Variants in PTH2R observed in about 807,000 individuals in gnomAD.
The protein encoded by PTH2R is parathyroid hormone 2 receptor.
PTH2R carries 59 observed loss-of-function variants against 60.3 expected under a neutral mutation model. That is an observed-to-expected ratio of 0.98 (90% CI 0.79 to 1.22). The LOEUF (loss-of-function observed/expected upper bound fraction) is 1.22. Among genes scored for constraint, PTH2R ranks in the 50% most tolerant of loss-of-function variants. PTH2R has a pLI of 0.00. For missense variants in PTH2R, 749 were observed against 682.6 expected (o/e 1.10, Z -1.08); for synonymous variants, 256 against 243.8 (o/e 1.05, Z -0.47).
chr2:208,383,033 C>G (rs1700944273), intron 1 of PTH2R, among the ~76,000 whole-genome samples: 1 of 152,216 alleles, frequency 6.6e-6, no homozygotes, highest in South Asian at 2.1e-4. Context: ...AATCAGTTCA[C>G]TTTTTCTGTC....
rs1163481307 is a variant in PTH2R at position 208,459,778 on chromosome 2, A to G, written c.915-117A>G. ...GTTTTAAGATAAGATTTCTTTGTCT[A>G]TTTGTTTCTTAATTGGAAGTGTGGG... On this transcript the variant is annotated intron_variant, in intron 8 of 12. Transcript: ENST00000272847. 8 of 804,382 alleles carry G rather than the reference A, an allele frequency of 9.9e-6. No individual in the cohort carries two copies. In the East Asian group the frequency reaches 1.8e-4, roughly 18 times the overall value. 49.8% of individuals were successfully genotyped at this position (804,382 alleles called of 1,614,324 possible).
At chr2:208,481,859 A>T (rs1703160361) in intron 10 of PTH2R, among the ~76,000 whole-genome samples, 1 of 152,232 alleles carries the variant, frequency 6.6e-6, no homozygotes, top group East Asian at 1.9e-4. Flanking sequence ...TCTCTCACTA[A>T]ATATGCAAAT....
intron 9 of PTH2R, among the ~76,000 whole-genome samples, chr2:208,471,888 A>C (rs1016881763): frequency 6.6e-6 from 1 of 152,274 alleles, no homozygotes; most frequent in Non-Finnish European, 1.5e-5. Flanking sequence ...AGAGCTGCCC[A>C]AGGCCATTGG....
intron 9 of PTH2R, among the ~76,000 whole-genome samples, chr2:208,479,331 A>G (rs1173987629): frequency 6.6e-6 from 1 of 152,128 alleles, no homozygotes; most frequent in African/African-American, 2.4e-5. Flanking sequence ...ATCAGAAGCC[A>G]TCTATACTTC....
chr2:208,445,430 A>C (rs1702270186), intron 7 of PTH2R, among the ~76,000 whole-genome samples: 2 of 152,222 alleles, frequency 1.3e-5, no homozygotes, highest in South Asian at 2.1e-4. Context: ...TAATTAAAAA[A>C]GTATTCAGTT....
chr2:208,443,253 G>C, intron 5 of PTH2R, 95 bp from the exon 6 acceptor site: 1 of 1,064,834 alleles, frequency 9.4e-7, no homozygotes, highest in Non-Finnish European at 1.3e-6. Flanking sequence ...CTGCTGGAGG[G>C]GAGCAGGCTG....
intron 2 of PTH2R, among the ~76,000 whole-genome samples, chr2:208,432,857 C>T (rs968018504): frequency 3.9e-5 from 6 of 152,126 alleles, no homozygotes; most frequent in Admixed American, 3.9e-4. Flanking sequence ...CACCTTCTTC[C>T]CCCTGCTTTG....
intron 9 of PTH2R, among the ~76,000 whole-genome samples, chr2:208,465,251 C>T (rs1205174439): frequency 6.6e-6 from 1 of 151,988 alleles, no homozygotes; most frequent in Admixed American, 6.5e-5. Flanking sequence ...GCTGGTATTA[C>T]AGGTGGGAGC....
chr2:208,374,688 TAG>T (rs764775894), intron 1 of PTH2R, among the ~76,000 whole-genome samples: 1 of 151,952 alleles, frequency 6.6e-6, no homozygotes, highest in African/African-American at 2.4e-5. Context: ...TTTTTTTTAG[TAG>T]AGATGGGGTT....
At chr2:208,452,620 G>A (rs1428530598) in intron 8 of PTH2R, among the ~76,000 whole-genome samples, 2 of 152,056 alleles carry the variant, frequency 1.3e-5, no homozygotes, top group East Asian at 3.9e-4. Context: ...TAGGATGTTT[G>A]GTCTTCGTTC....
At chr2:208,383,800 C>T (rs563402213) in intron 1 of PTH2R, among the ~76,000 whole-genome samples, 5 of 152,298 alleles carry the variant, frequency 3.3e-5, no homozygotes, top group South Asian at 4.1e-4. Flanking sequence ...TGCTGAGACT[C>T]GGGTATCATC....
chr2:208,373,482 G>T (rs1219927812), intron 1 of PTH2R, among the ~76,000 whole-genome samples: 1 of 152,096 alleles, frequency 6.6e-6, no homozygotes. Flanking sequence ...ATGTGTGCCA[G>T]GGTGGAGGAA....
intron 1 of PTH2R, among the ~76,000 whole-genome samples, chr2:208,426,666 T>C (rs1701863742): frequency 6.6e-6 from 1 of 152,202 alleles, no homozygotes; most frequent in African/African-American, 2.4e-5. Context: ...CTTGTGGTTT[T>C]GTAAATGTCT....
chr2:208,426,953 A>C (rs1364794423), intron 1 of PTH2R, among the ~76,000 whole-genome samples: 4 of 152,230 alleles, frequency 2.6e-5, no homozygotes, highest in Non-Finnish European at 5.9e-5. Context: ...ATGTTTTAGA[A>C]CAAAATATCT....
At chr2:208,440,200 G>C (rs996677393) in intron 4 of PTH2R, among the ~76,000 whole-genome samples, 1 of 152,180 alleles carries the variant, frequency 6.6e-6, no homozygotes, top group Non-Finnish European at 1.5e-5. Context: ...AGCTACTTGG[G>C]AGGCTGGGGT....
intron 12 of PTH2R, among the ~76,000 whole-genome samples, chr2:208,492,890 T>A (rs1017276999): frequency 1.3e-5 from 2 of 152,162 alleles, no homozygotes; most frequent in Admixed American, 6.5e-5. Context: ...GGGCTTGTCA[T>A]GTGCCACGCG....
chr2:208,493,677 A>C lies in PTH2R; in HGVS notation c.*18A>C. The C allele has an allele frequency of 1.3e-6, 2 of 1,531,470 alleles. No homozygotes were observed. The highest frequency in any genetic ancestry group is 2.6e-5 in the South Asian group (2 of 77,636). The allele number at this position is 1,531,470 out of a possible 1,614,324, so 94.9% of individuals were successfully genotyped here. On this transcript the variant is annotated 3_prime_UTR_variant, in exon 13 of 13. Coordinates refer to ENST00000272847, the MANE Select transcript of PTH2R (RefSeq NM_005048.4). ...TTCTCTGAATGGACATTTGTGGCTG[A>C]CTTTCATGGGCTGGTCCAATGGCTG...
chr2:208,363,705 C>A (rs1323161876), intron 1 of PTH2R, among the ~76,000 whole-genome samples: 1 of 152,082 alleles, frequency 6.6e-6, no homozygotes, highest in Non-Finnish European at 1.5e-5. Context: ...TTAATGATAG[C>A]CATTCTGACT....
chr2:208,444,651 G>A, intron 6 of PTH2R, 83 bp from the exon 7 acceptor site: 1 of 1,346,098 alleles, frequency 7.4e-7, no homozygotes, highest in Admixed American at 2.2e-5. Flanking sequence ...AGAAACTGAA[G>A]ACTTGTTTTT....
Sources: gnomAD v4.1 joint callset for allele counts (sites outside exome capture counted in the v4.1 genomes callset) on GRCh38, gnomAD v4.1.1 for gene constraint, MANE v1.5 for transcripts, NCBI Gene and HGNC (gene_info 2026-07-23, HGNC 2026-07-21) for gene names.